The following CUL3 variants were observed in gnomAD, a reference collection of about 807,000 sequenced individuals.
CUL3 encodes cullin 3, also known as cullin-3.
Under a neutral mutation model 89.1 loss-of-function variants are expected in CUL3, and 19 were observed. That is an observed-to-expected ratio of 0.21 (90% confidence interval 0.15 to 0.31). CUL3 has a LOEUF of 0.31. Ranked by LOEUF, CUL3 falls within the 10% of genes least tolerant of loss-of-function variation. CUL3 has a pLI of 1.00. For synonymous variants in CUL3, 351 were observed against 308.4 expected (o/e 1.14, Z -1.45); for missense variants, 469 against 942.3 (o/e 0.50, Z 6.58).
intron 2 of CUL3, among the ~76,000 whole-genome samples, chr2:224,548,027 A>G (rs1694369008): frequency 6.6e-6 from 1 of 152,192 alleles, no homozygotes; most frequent in South Asian, 2.1e-4. Flanking sequence ...AGCAAATAAG[A>G]CCCTAGGTAC....
At chr2:224,511,650 T>G (rs1040197908) in intron 5 of CUL3, 68 bp from the exon 6 acceptor site, 6 of 821,404 alleles carry the variant, frequency 7.3e-6, no homozygotes, top group Non-Finnish European at 1.1e-5. Flanking sequence ...TTAGCTGGGT[T>G]TCTACAGTGT....
At position 224,485,880 on chromosome 2, in the gene CUL3, G is replaced by T. The variant is rs1691701589; in HGVS notation, c.1843-3802C>A. Among the ~76,000 whole-genome samples, 1 of 152,204 alleles carries T rather than the reference G, an allele frequency of 6.6e-6. No homozygotes were observed. The highest frequency in any genetic ancestry group is 2.4e-5 in the African/African-American group (1 of 41,460). ...GAGAGCTCCGGCTGGCATCTGGCAG[G>T]TGCCCCTCTGGGACAAAGCTTCCAG... On this transcript the variant is annotated intron_variant, in intron 13 of 15. Transcript: ENST00000264414. This position sits in a 1 kb window ranked among gnomAD's most constrained non-coding sequence, Gnocchi z 4.1.
In CUL3 at chr2:224,501,840, C is replaced by G. The variant is rs147618400; in HGVS notation, c.1485+1125G>C. ...GGATCTAGCCCAATCTTCCCTATAG[C>G]TTTCAATGTGTAAGATTAGTGGAAG... On this transcript the variant is annotated intron_variant, in intron 10 of 15. Transcript: ENST00000264414. Among the ~76,000 whole-genome samples, 238 of 152,142 alleles carry G rather than the reference C, an allele frequency of 1.6e-3. 1 individual carries two copies. Among genetic ancestry groups the G allele is most frequent in the Middle Eastern group, 0.014 (4 of 294 alleles).
chr2:224,584,676 G>A lies in CUL3; in HGVS notation c.66+268C>T, dbSNP rs1167004390. 3.3e-5 allele frequency among the ~76,000 whole-genome samples: 5 copies of A among 150,716 alleles called. No individual in the cohort carries two copies. In the East Asian group the frequency reaches 9.7e-4, roughly 29 times the overall value. On this transcript the variant is annotated intron_variant, in intron 1 of 15. Transcript: ENST00000264414. ...CGGCCGAGGGGCCCCGGCCGCAGCC[G>A]ACGCCCGCGGAGCGGCTGAAGGAGC...
intron 3 of CUL3, among the ~76,000 whole-genome samples, chr2:224,519,376 G>A (rs1403024739): frequency 6.6e-6 from 1 of 152,018 alleles, no homozygotes; most frequent in African/African-American, 2.4e-5. Flanking sequence ...CAAGCATTTC[G>A]GGTAAGAGAC....
intron 3 of CUL3, among the ~76,000 whole-genome samples, chr2:224,525,171 T>TGGGTTTATCATAAACTCTACTAAACA (rs1693425603): frequency 6.6e-6 from 1 of 152,212 alleles, no homozygotes; most frequent in South Asian, 2.1e-4. Context: ...CTTAAAATTC[T>TGGGTTTATCATAAACTCTACTAAACA]GGGTTTATCA....
intron 13 of CUL3, among the ~76,000 whole-genome samples, chr2:224,493,693 C>G (rs1409258499): frequency 6.6e-6 from 1 of 152,050 alleles, no homozygotes; most frequent in Non-Finnish European, 1.5e-5. Flanking sequence ...TTTTATTATC[C>G]CATTATTTTT....
chr2:224,511,089 C>T lies in CUL3; in HGVS notation c.883+265G>A, dbSNP rs1404963690. ...GAGGAGCTCACTGGGCTCACCAATA[C>T]TATTACACCTTTTATCTTCTGGATT... is the stretch of plus-strand genomic sequence containing the variant. On this transcript the variant is annotated intron_variant, in intron 6 of 15. Transcript: ENST00000264414. Among the ~76,000 whole-genome samples, 3 of 152,172 alleles carry T rather than the reference C, an allele frequency of 2.0e-5. No individual in the cohort carries two copies. The South Asian group carries it at 6.2e-4, about 32-fold the overall frequency.
intron 1 of CUL3, among the ~76,000 whole-genome samples, chr2:224,568,061 C>G (rs925097492): frequency 6.6e-6 from 1 of 152,106 alleles, no homozygotes; most frequent in Non-Finnish European, 1.5e-5. Context: ...TTTTTTCCCC[C>G]CTGCTTTTGG....
At chr2:224,494,357 C>A (rs1010779932) in intron 13 of CUL3, among the ~76,000 whole-genome samples, 1 of 151,946 alleles carries the variant, frequency 6.6e-6, no homozygotes, top group Non-Finnish European at 1.5e-5. Context: ...TTCATTTTAA[C>A]CCCAAAACAC....
intron 3 of CUL3, among the ~76,000 whole-genome samples, chr2:224,531,088 CT>C (rs36035608): frequency 0.28 from 38,320 of 136,668 alleles, 4,586 homozygotes; most frequent in Middle Eastern, 0.39. Context: ...CTAAAATAGC[CT>C]TTTTTTTTTT....
chr2:224,584,815 C>G, intron 1 of CUL3, 129 bp downstream of exon 1: 1 of 500,304 alleles, frequency 2.0e-6, no homozygotes, highest in Non-Finnish European at 2.7e-6. Context: ...GCTCGCGCCC[C>G]GCGGCCGGCG....
At chr2:224,498,286 T>C (rs1190709680) in intron 11 of CUL3, among the ~76,000 whole-genome samples, 1 of 152,212 alleles carries the variant, frequency 6.6e-6, no homozygotes, top group Non-Finnish European at 1.5e-5. Context: ...GTTTATGTAA[T>C]TTTTTCTTAC....
intron 7 of CUL3, among the ~76,000 whole-genome samples, 181 bp from the exon 8 acceptor site, chr2:224,506,313 G>C (rs1389630901): frequency 6.6e-6 from 1 of 151,944 alleles, no homozygotes; most frequent in African/African-American, 2.4e-5. Context: ...ATGTCAATGA[G>C]AGAAGTATTA....
At chr2:224,564,062 G>A (rs1694980671) in intron 1 of CUL3, among the ~76,000 whole-genome samples, 2 of 152,166 alleles carry the variant, frequency 1.3e-5, no homozygotes, top group Non-Finnish European at 1.5e-5. Flanking sequence ...CAGGTGGACA[G>A]TTCACTTGAG....
chr2:224,508,782 A>AC (rs954222942), intron 6 of CUL3, among the ~76,000 whole-genome samples: 25 of 151,706 alleles, frequency 1.6e-4, no homozygotes, highest in Admixed American at 7.9e-4. Flanking sequence ...ACACGGTGAA[A>AC]CCCCCCTGTC....
chr2:224,480,259 T>TA (rs1691483701), intron 14 of CUL3: 1 of 152,172 alleles, frequency 6.6e-6, no homozygotes, highest in South Asian at 2.1e-4. Context: ...AAAAGCAGCA[T>TA]AAATAGGTAG....
intron 3 of CUL3, among the ~76,000 whole-genome samples, chr2:224,518,376 T>C (rs754211173): frequency 5.9e-5 from 9 of 152,238 alleles, no homozygotes; most frequent in Non-Finnish European, 1.3e-4. Flanking sequence ...TATAAGCTGA[T>C]GGATACTTTG....
Position 224,505,988 on chromosome 2 carries a change from T to C in CUL3, c.1174A>G (p.Ile392Val), listed in dbSNP as rs1456342072. 1 of 1,604,816 alleles carries C rather than the reference T, an allele frequency of 6.2e-7. No homozygotes were observed. Among genetic ancestry groups the C allele is most frequent in the Non-Finnish European group, 8.5e-7 (1 of 1,175,378 alleles). ...ACTCCCTTTTTCAGCTTATCATCAA[T>C]AAATAATGAGAGGTATTCAGGAGAC... ...SRSPEYLSLF[I>V]DDKLKKGVKG... Residue 392 changes from isoleucine (I) to valine (V), a missense_variant, in exon 8 of 16, where the codon ATT becomes GTT. This residue lies in a region of CUL3 where 370 missense variants were observed against 733.2 expected (regional missense o/e 0.50). Coordinates refer to ENST00000264414, the MANE Select transcript of CUL3 (RefSeq NM_003590.5).
Sources: allele counts gnomAD v4.1 joint callset (sites outside exome capture counted in the v4.1 genomes callset), GRCh38; gene constraint gnomAD v4.1.1; regional missense constraint gnomAD v4.1.1; non-coding constraint Gnocchi (gnomAD v3.1); transcripts MANE v1.5; gene names NCBI Gene and HGNC (gene_info 2026-07-23, HGNC 2026-07-21).